The following ZNF782 variants were observed in gnomAD, a reference collection of about 807,000 sequenced individuals.
ZNF782 encodes the protein zinc finger protein 782.
ZNF782 carries 12 observed loss-of-function variants against 13.0 expected under a neutral mutation model. That is an observed-to-expected ratio of 0.92 (90% CI 0.59 to 1.50). The LOEUF (loss-of-function observed/expected upper bound fraction) is 1.50, where lower values mean the gene tolerates loss of function less well. ZNF782 is among the 40% of genes most tolerant of loss of function. The pLI is 0.00. For synonymous variants in ZNF782, 284 were observed against 283.0 expected (o/e 1.00, Z -0.04); for missense variants, 770 against 822.9 (o/e 0.94, Z 0.79).
At chr9:96,887,319 AAGGAAGGAAGG>A in the ZNF782 span, 19 of 140,784 alleles carry the variant, frequency 1.3e-4, no homozygotes, top group African/African-American at 6.1e-4. Context: ...GGAAGGAAGG[AAGGAAGGAAGG>A]AAGGAAGGAA....
upstream of ZNF782, among the ~76,000 whole-genome samples, chr9:96,877,794 C>T (rs1003107393): frequency 2.6e-5 from 4 of 152,186 alleles, no homozygotes; most frequent in African/African-American, 7.2e-5. Flanking sequence ...ATGAAGCTTA[C>T]TCGGTATCAT....
the ZNF782 span, among the ~76,000 whole-genome samples, chr9:96,899,500 G>A: frequency 6.6e-6 from 1 of 152,130 alleles, no homozygotes; most frequent in East Asian, 1.9e-4. Flanking sequence ...TACTATATTG[G>A]TTCATTTTCT....
Position 96,819,747 on chromosome 9 carries a change from C to G in ZNF782, c.276G>C (p.Lys92Asn), listed in dbSNP as rs1850344247. ...AATGTTTGCCTTGATTTTCTGGGCT[C>G]TTCTCTGAGATTTCATCAGGTTGGG... ...EDSQPDEISE[K>N]SPENQGKHLL... The change falls in exon 6 of 6, where the codon AAG (lysine) becomes AAC (asparagine). Residue 92 changes from lysine (K) to asparagine (N), a missense_variant. Physicochemically the swap from Lys to Asn is moderately conservative, Grantham distance 94. Transcript: ENST00000481138. 1 of 1,606,916 alleles carries G rather than the reference C, an allele frequency of 6.2e-7. No homozygotes were observed. Among genetic ancestry groups the G allele is most frequent in the Non-Finnish European group, 8.5e-7 (1 of 1,177,508 alleles).
Position 96,819,484 on chromosome 9 carries a change from G to C in ZNF782, c.539C>G (p.Thr180Ser), listed in dbSNP as rs907590345. 13 of 1,613,904 alleles carry C rather than the reference G, an allele frequency of 8.1e-6. No individual in the cohort carries two copies. The highest frequency in any genetic ancestry group is 1.1e-5 in the Non-Finnish European group (13 of 1,179,986). Reference protein sequence around the residue: ...KWLISIKDGRTNTQEKSFAYS... With the variant: ...KWLISIKDGRSNTQEKSFAYS... ...AGCGAAAGATTTCTCTTGAGTGTTA[G>C]TTCTGCCATCCTTAATACTGATGAG... The change falls in exon 6 of 6, where the codon ACT (threonine) becomes AGT (serine). Residue 180 changes from threonine (T) to serine (S), a missense_variant. By Grantham distance (58) the Thr-to-Ser change is moderately conservative. Coordinates refer to ENST00000481138, the MANE Select transcript of ZNF782 (RefSeq NM_001001662.3).
the ZNF782 span, among the ~76,000 whole-genome samples, chr9:96,911,677 C>T: frequency 8.6e-5 from 13 of 151,254 alleles, no homozygotes; most frequent in African/African-American, 3.1e-4. Flanking sequence ...CCCGCCACTA[C>T]ACCCGGCTAA....
intron 1 of ZNF782, among the ~76,000 whole-genome samples, chr9:96,871,252 C>G (rs947748259): frequency 1.3e-5 from 2 of 151,504 alleles, no homozygotes; most frequent in African/African-American, 4.9e-5. Context: ...TAAACCTTTA[C>G]AAAATATAAT....
chr9:96,840,269 T>G (rs1851147076), intron 4 of ZNF782, among the ~76,000 whole-genome samples: 2 of 152,146 alleles, frequency 1.3e-5, no homozygotes, highest in African/African-American at 4.8e-5. Flanking sequence ...GTCTCTGTAC[T>G]CACTATCTTT....
chr9:96,897,461 G>C, the ZNF782 span, among the ~76,000 whole-genome samples: 1 of 152,188 alleles, frequency 6.6e-6, no homozygotes, highest in South Asian at 2.1e-4. Context: ...CTCAGGATTG[G>C]AAGGTGCTGT....
At chr9:96,925,645 A>C in the ZNF782 span, among the ~76,000 whole-genome samples, 1 of 151,706 alleles carries the variant, frequency 6.6e-6, no homozygotes, top group African/African-American at 2.4e-5. Flanking sequence ...AAAAAAAAAA[A>C]AAAACTGGTA....
In ZNF782 at chr9:96,819,048, G is replaced by C. The variant is rs1171924003; in HGVS notation, c.975C>G (p.Leu325=). The change falls in exon 6 of 6, where the codon CTC becomes CTG. Residue 325 remains leucine, a synonymous_variant. Transcript: ENST00000481138. ...YGKSFNRNST[L]PVHQRTHATD... is the part of the protein sequence containing the mutation. ...TTGCATGAGTTCTCTGATGCACTGG[G>C]AGGGTTGAATTACGGTTGAAACTTT... 2.5e-6 allele frequency: 4 copies of C among 1,614,196 alleles called. No homozygotes were observed. The highest frequency in any genetic ancestry group is 4.5e-5 in the East Asian group (2 of 44,888).
the ZNF782 span, chr9:96,887,408 T>A: frequency 6.6e-6 from 1 of 152,154 alleles, no homozygotes; most frequent in Non-Finnish European, 1.5e-5. Flanking sequence ...CCCTCATATA[T>A]CAGAATTGCT....
the ZNF782 span, among the ~76,000 whole-genome samples, chr9:96,922,616 T>C: frequency 6.6e-6 from 1 of 151,970 alleles, no homozygotes; most frequent in African/African-American, 2.4e-5. Flanking sequence ...ACTAAAAAAA[T>C]CCAAAAAAAT....
At chr9:96,823,972 G>A (rs1850513880) in intron 5 of ZNF782, among the ~76,000 whole-genome samples, 2 of 152,142 alleles carry the variant, frequency 1.3e-5, no homozygotes, top group Admixed American at 6.5e-5. Flanking sequence ...TTCTACCAGA[G>A]ATACAAGGAG....
chr9:96,826,537 T>C (rs2118446224), intron 5 of ZNF782, among the ~76,000 whole-genome samples: 1 of 152,148 alleles, frequency 6.6e-6, no homozygotes, highest in East Asian at 1.9e-4. Context: ...ACCCTAAAAC[T>C]TAAAGTATAA....
the ZNF782 span, among the ~76,000 whole-genome samples, chr9:96,916,045 A>G: frequency 6.6e-6 from 1 of 151,816 alleles, no homozygotes; most frequent in African/African-American, 2.4e-5. Flanking sequence ...GGGAAAGTGA[A>G]TAAGGAAAAA....
At chr9:96,821,832 T>C (rs1243723955) in intron 5 of ZNF782, among the ~76,000 whole-genome samples, 4 of 151,970 alleles carry the variant, frequency 2.6e-5, no homozygotes, top group Admixed American at 1.3e-4. Context: ...ACCCGGCTAA[T>C]TTTTTGTGTT....
the ZNF782 span, among the ~76,000 whole-genome samples, chr9:96,901,807 G>A: frequency 2.7e-5 from 4 of 149,690 alleles, no homozygotes; most frequent in Admixed American, 2.7e-4. Flanking sequence ...TTGAACCAGG[G>A]AGGTGGAGGT....
At chr9:96,898,763 T>A in the ZNF782 span, among the ~76,000 whole-genome samples, 1 of 147,024 alleles carries the variant, frequency 6.8e-6, no homozygotes, top group Non-Finnish European at 1.5e-5. Context: ...GCCAGGCTGG[T>A]CTCGAACTTC....
upstream of ZNF782, among the ~76,000 whole-genome samples, chr9:96,859,271 A>G (rs1338864047): frequency 6.6e-6 from 1 of 152,210 alleles, no homozygotes; most frequent in Non-Finnish European, 1.5e-5. Flanking sequence ...ATTTGGGGGC[A>G]TGTGACCTAG....
Sources: allele counts gnomAD v4.1 joint callset (sites outside exome capture counted in the v4.1 genomes callset), GRCh38; gene constraint gnomAD v4.1.1; transcripts MANE v1.5; gene names NCBI Gene and HGNC (gene_info 2026-07-23, HGNC 2026-07-21).